ZFYVE16: variants seen among roughly 807,000 people sequenced by gnomAD.
ZFYVE16 encodes zinc finger FYVE domain-containing protein 16.
A neutral mutation model predicts 138.1 loss-of-function variants in ZFYVE16; 89 were observed. The observed-to-expected ratio is 0.64, with a 90% confidence interval of 0.54 to 0.77. The LOEUF is 0.77. Among genes scored for constraint, ZFYVE16 ranks in the 30% least tolerant of loss-of-function variants. ZFYVE16 has a pLI of 0.00. For synonymous variants in ZFYVE16, 596 were observed against 618.3 expected (o/e 0.96, Z 0.53); for missense variants, 1,793 against 1,786.7 (o/e 1.00, Z -0.06).
chr5:80,434,086 T>C (rs1344468168), intron 2 of ZFYVE16, 23 bp from the exon 3 acceptor site: 15 of 1,461,318 alleles, frequency 1.0e-5, no homozygotes, highest in Non-Finnish European at 1.2e-5. Context: ...AAATGAAATA[T>C]TATTATACTT....
intron 3 of ZFYVE16, 142 bp from the exon 4 acceptor site, chr5:80,436,613 TG>T (rs1273113287): frequency 9.2e-6 from 6 of 649,976 alleles, no homozygotes; most frequent in Non-Finnish European, 1.5e-5. Context: ...AAAATAGTTT[TG>T]GAGGTGATTT....
At chr5:80,476,319 TTATTAA>T (rs1030180853) in intron 18 of ZFYVE16, among the ~76,000 whole-genome samples, 7 of 152,278 alleles carry the variant, frequency 4.6e-5, no homozygotes, top group African/African-American at 1.7e-4. Flanking sequence ...TACCACATTA[TTATTAA>T]TATTATTATT....
rs1750905817 is a variant in ZFYVE16, at chr5:80,443,151, A to G, written c.2448A>G (p.Pro816=). Residue 816 remains proline, a synonymous_variant, in exon 6 of 19, where the codon CCA becomes CCG. Coordinates refer to ENST00000505560, the MANE Select transcript of ZFYVE16 (RefSeq NM_001284236.3). ...KAQAFERMMS[P]TGSNLKSNHS... is the part of the protein sequence containing the mutation. ...AGGCATTTGAAAGGATGATGAGTCCAACTGGTTCTAATCTTAAGTCTAATC... is the reference window on the plus strand; with the variant it reads ...AGGCATTTGAAAGGATGATGAGTCCGACTGGTTCTAATCTTAAGTCTAATC... 6.3e-7 allele frequency: 1 copy of G among 1,584,596 alleles called. No homozygotes were observed.
In ZFYVE16 at chr5:80,481,039, C is replaced by G. The variant is rs976110074; in HGVS notation, c.*3662C>G. ...AGGTTGGAGGCTATGGGACAAAACC[C>G]TTTTTAATTTAATTGCAGTATTCTA... is the stretch of plus-strand genomic sequence containing the variant. On this transcript the variant is annotated 3_prime_UTR_variant, in exon 19 of 19. Coordinates refer to ENST00000505560, the MANE Select transcript of ZFYVE16 (RefSeq NM_001284236.3). Among the ~76,000 whole-genome samples the G allele has an allele frequency of 2.6e-5, 4 of 152,246 alleles. No homozygotes were observed. The highest frequency in any genetic ancestry group is 9.6e-5 in the African/African-American group (4 of 41,538).
chr5:80,474,571 A>T, intron 17 of ZFYVE16, 92 bp from the exon 18 acceptor site: 1 of 1,266,700 alleles, frequency 7.9e-7, no homozygotes, highest in Non-Finnish European at 1.1e-6. Context: ...CATGGTACTT[A>T]CATTGGAATT....
chr5:80,455,790 A>G lies in ZFYVE16; in HGVS notation c.3690+16A>G. 1.3e-6 allele frequency: 2 copies of G among 1,550,144 alleles called. No individual in the cohort carries two copies. The highest frequency in any genetic ancestry group is 2.4e-5 in the East Asian group (1 of 42,496). On this transcript the variant is annotated intron_variant, in intron 12 of 18. Coordinates refer to ENST00000505560, the MANE Select transcript of ZFYVE16 (RefSeq NM_001284236.3). ...CTTACTTGTTGTGAGTAATTGAACT[A>G]TTTTATTAGGTATTTTTATACTGTT...
chr5:80,465,821 C>T (rs1242120277), intron 15 of ZFYVE16, among the ~76,000 whole-genome samples: 2 of 151,980 alleles, frequency 1.3e-5, no homozygotes, highest in Non-Finnish European at 2.9e-5. Flanking sequence ...CACAGTTTGA[C>T]TATGATGTGT....
At chr5:80,473,902 T>C (rs748483735) in intron 17 of ZFYVE16, 43 bp downstream of exon 17, 9 of 1,491,430 alleles carry the variant, frequency 6.0e-6, no homozygotes, top group Non-Finnish European at 6.5e-6. Context: ...TGTTTCAATA[T>C]GATTTTTGTT....
At chr5:80,470,226 C>T (rs1182110226) in intron 15 of ZFYVE16, among the ~76,000 whole-genome samples, 1 of 150,722 alleles carries the variant, frequency 6.6e-6, no homozygotes, top group Non-Finnish European at 1.5e-5. Context: ...CTCAGCCTCC[C>T]GAGTAGCTGG....
At chr5:80,415,035 CCCTT>C (rs1314180607) in intron 1 of ZFYVE16, among the ~76,000 whole-genome samples, 1 of 152,146 alleles carries the variant, frequency 6.6e-6, no homozygotes, top group African/African-American at 2.4e-5. Context: ...TTCTTTCCCT[CCCTT>C]CCTTCTTTCT....
At chr5:80,435,779 T>C in intron 3 of ZFYVE16, 1 of 428,664 alleles carries the variant, frequency 2.3e-6, no homozygotes, top group Non-Finnish European at 4.6e-6. Flanking sequence ...CTCACTGTGT[T>C]GCTCAGGCTG....
chr5:80,440,208 A>G (rs1430853989), intron 5 of ZFYVE16, 176 bp downstream of exon 5: 15 of 1,224,058 alleles, frequency 1.2e-5, no homozygotes, highest in Non-Finnish European at 1.5e-5. Context: ...CACTCTCACA[A>G]TTAATACTAC....
Position 80,474,567 on chromosome 5 carries a change from A to G in ZFYVE16, c.4294-96A>G, listed in dbSNP as rs1268384236. ...TCTCACAACTAATGCTTTTCATGGTACTTACATTGGAATTTAATTAAACTT... is the reference window on the plus strand; with the variant it reads ...TCTCACAACTAATGCTTTTCATGGTGCTTACATTGGAATTTAATTAAACTT... On this transcript the variant is annotated intron_variant, in intron 17 of 18. Coordinates refer to ENST00000505560, the MANE Select transcript of ZFYVE16 (RefSeq NM_001284236.3). 3.3e-6 allele frequency: 4 copies of G among 1,215,886 alleles called. No homozygotes were observed. In the East Asian group the frequency reaches 9.4e-5, roughly 29 times the overall value. 75.3% of individuals were successfully genotyped at this position (1,215,886 alleles called of 1,614,324 possible).
intron 1 of ZFYVE16, among the ~76,000 whole-genome samples, chr5:80,417,357 C>A (rs910870950): frequency 6.6e-6 from 1 of 152,132 alleles, no homozygotes; most frequent in Non-Finnish European, 1.5e-5. Context: ...ATCTAGGATC[C>A]CCCATTCTCC....
chr5:80,473,859 G>C lies in ZFYVE16; in HGVS notation c.4293G>C (p.Glu1431Asp). 1 of 1,609,464 alleles carries C rather than the reference G, an allele frequency of 6.2e-7. No homozygotes were observed. Among genetic ancestry groups the C allele is most frequent in the Non-Finnish European group, 8.5e-7 (1 of 1,177,274 alleles). ...ETDEKIVKCTEVFYFLKDQDL... is the reference protein window; with the variant it reads ...ETDEKIVKCTDVFYFLKDQDL... ...ATGAGAAGATTGTAAAATGTACCGA[G>C]GTAACTAAGAAAGAAGGTCCCTTTA... The change falls in exon 17 of 19, where the codon GAG (glutamate) becomes GAC (aspartate). Residue 1431 changes from glutamate (E) to aspartate (D), a missense_variant and splice_region_variant. Around this residue, in one of 2 missense-constraint regions of ZFYVE16, gnomAD observed 498 missense variants for 582.4 expected, o/e 0.86. Transcript: ENST00000505560.
intron 14 of ZFYVE16, among the ~76,000 whole-genome samples, chr5:80,458,681 A>T (rs2112485626): frequency 6.6e-6 from 1 of 152,342 alleles, no homozygotes; most frequent in Middle Eastern, 3.4e-3. Context: ...ATAGTTTTGT[A>T]TACATGCCGT....
intron 1 of ZFYVE16, among the ~76,000 whole-genome samples, chr5:80,421,652 A>G (rs1490186910): frequency 1.3e-5 from 2 of 152,108 alleles, no homozygotes; most frequent in African/African-American, 4.8e-5. Flanking sequence ...CCATTGGTCT[A>G]TATCTCCATT....
chr5:80,441,943 AAG>A lies in ZFYVE16; in HGVS notation c.2420-1179_2420-1178del, dbSNP rs1750756340. Reference sequence around the variant, plus strand: ...TATTCAGGCACTATTCTGCATTCTGAAGTTCAAGCAGAGAGCAAAATAGAAGC... The same window carrying A: ...TATTCAGGCACTATTCTGCATTCTGATTCAAGCAGAGAGCAAAATAGAAGC... On this transcript the variant is annotated intron_variant, in intron 5 of 18. Transcript: ENST00000505560. The A allele has an allele frequency of 5.1e-6, 5 of 984,390 alleles. No homozygotes were observed. In the Admixed American group the frequency reaches 3.1e-4, roughly 61 times the overall value. The allele number at this position is 984,390 out of a possible 1,614,324, so 61.0% of individuals were successfully genotyped here. A position where few individuals can be genotyped will look rare whatever the true frequency, so the allele number is the denominator to read the frequency against.
rs565963158 is a variant in ZFYVE16, at chr5:80,470,453, C to T, written c.4025-2308C>T. Reference sequence around the variant, plus strand: ...TTAAAATTTTTATATGCTTAATTGGCCATCTTGAAGTTGGCTTCATTTGCC... The same window carrying T: ...TTAAAATTTTTATATGCTTAATTGGTCATCTTGAAGTTGGCTTCATTTGCC... On this transcript the variant is annotated intron_variant, in intron 15 of 18. Coordinates refer to ENST00000505560, the MANE Select transcript of ZFYVE16 (RefSeq NM_001284236.3). Among the ~76,000 whole-genome samples, 252 of 152,146 alleles carry T rather than the reference C, an allele frequency of 1.7e-3. 1 individual carries two copies. Among genetic ancestry groups the T allele is most frequent in the South Asian group, 4.8e-3 (23 of 4,810 alleles).
Sources: gnomAD v4.1 joint callset for allele counts (sites outside exome capture counted in the v4.1 genomes callset) on GRCh38, gnomAD v4.1.1 for gene constraint, gnomAD v4.1.1 regional missense constraint, MANE v1.5 for transcripts, NCBI Gene and HGNC (gene_info 2026-07-23, HGNC 2026-07-21) for gene names.